Variants in DRC10 observed in about 807,000 individuals in gnomAD.
DRC10 encodes IQ domain-containing protein D.
chr12:113,216,641 G>GT, the DRC10 span, among the ~76,000 whole-genome samples: 20 of 152,132 alleles, frequency 1.3e-4, no homozygotes, highest in Non-Finnish European at 2.6e-4. Context: ...GGAATAGGGG[G>GT]TATGTAGGAA....
the DRC10 span, among the ~76,000 whole-genome samples, chr12:113,213,409 G>A: frequency 2.0e-5 from 3 of 152,154 alleles, no homozygotes; most frequent in Admixed American, 6.6e-5. Context: ...CTCATTTTAA[G>A]GAATACCATT....
the DRC10 span, among the ~76,000 whole-genome samples, chr12:113,209,504 G>A: frequency 6.6e-6 from 1 of 152,276 alleles, no homozygotes. Context: ...TGATCCTCCT[G>A]TCTCAGCCTC....
the DRC10 span, among the ~76,000 whole-genome samples, chr12:113,199,265 G>A: frequency 2.0e-5 from 3 of 152,120 alleles, no homozygotes; most frequent in South Asian, 2.1e-4. Context: ...TTAGCCAGAC[G>A]TGGTGACATG....
chr12:113,208,464 A>C, the DRC10 span: 4 of 667,384 alleles, frequency 6.0e-6, no homozygotes, highest in Non-Finnish European at 8.3e-6. Flanking sequence ...GAGGCATCTC[A>C]GGCACATGTG....
At chr12:113,219,841 C>G in the DRC10 span, among the ~76,000 whole-genome samples, 8 of 151,954 alleles carry the variant, frequency 5.3e-5, no homozygotes, top group Non-Finnish European at 1.5e-5. Flanking sequence ...TGGAGTCTCG[C>G]TCTATCACCC....
the DRC10 span, among the ~76,000 whole-genome samples, chr12:113,205,067 T>C: frequency 1.3e-5 from 2 of 152,164 alleles, no homozygotes; most frequent in East Asian, 3.8e-4. Context: ...TAACACTCCC[T>C]TTGAGAAGTA....
the DRC10 span, among the ~76,000 whole-genome samples, chr12:113,217,003 C>A: frequency 6.6e-6 from 1 of 152,090 alleles, no homozygotes; most frequent in Admixed American, 6.5e-5. Flanking sequence ...GCAGGAGAAT[C>A]GCTTGAACCC....
At chr12:113,195,967 T>C in the DRC10 span, 1 of 1,505,414 alleles carries the variant, frequency 6.6e-7, no homozygotes, top group African/African-American at 1.4e-5. Context: ...CCCCTTACCC[T>C]TCCCAAATGG....
At chr12:113,212,749 G>A in the DRC10 span, among the ~76,000 whole-genome samples, 2 of 152,122 alleles carry the variant, frequency 1.3e-5, no homozygotes, top group Non-Finnish European at 2.9e-5. Flanking sequence ...TGACTCTGAC[G>A]ACAAAAATGA....
the DRC10 span, among the ~76,000 whole-genome samples, chr12:113,198,614 G>A: frequency 6.6e-6 from 1 of 152,128 alleles, no homozygotes; most frequent in Non-Finnish European, 1.5e-5. Flanking sequence ...GTGATTGCCA[G>A]GGACAGGGGG....
At chr12:113,196,628 G>A in the DRC10 span, among the ~76,000 whole-genome samples, 2 of 152,194 alleles carry the variant, frequency 1.3e-5, no homozygotes, top group African/African-American at 4.8e-5. Flanking sequence ...TGGTTGCCCA[G>A]GACAAGGTTC....
the DRC10 span, among the ~76,000 whole-genome samples, chr12:113,219,008 G>C: frequency 1.3e-5 from 2 of 152,082 alleles, no homozygotes; most frequent in Admixed American, 6.6e-5. Context: ...GAGTGGAATT[G>C]CTAGGTTATG....
At chr12:113,195,746 T>C in the DRC10 span, 1 of 1,614,014 alleles carries the variant, frequency 6.2e-7, no homozygotes, top group Non-Finnish European at 8.5e-7. Context: ...TCTCCTGCTC[T>C]GCCTCCATCC....
the DRC10 span, among the ~76,000 whole-genome samples, chr12:113,202,578 G>A: frequency 1.2e-4 from 19 of 152,168 alleles, no homozygotes; most frequent in Non-Finnish European, 2.2e-4. Flanking sequence ...TCTCTGCTGG[G>A]TGTGGCTACA....
chr12:113,195,867 G>A, the DRC10 span: 1 of 1,611,272 alleles, frequency 6.2e-7, no homozygotes, highest in Non-Finnish European at 8.5e-7. Flanking sequence ...CCTGTGAACA[G>A]CGTCCAGATC....
the DRC10 span, among the ~76,000 whole-genome samples, chr12:113,206,755 A>T: frequency 7.3e-6 from 1 of 137,762 alleles, no homozygotes; most frequent in African/African-American, 2.8e-5. Context: ...ACTCCATCTT[A>T]AAAAAAAAAA....
chr12:113,195,580 T>TCTTGCC, the DRC10 span: 1 of 1,590,510 alleles, frequency 6.3e-7, no homozygotes, highest in Non-Finnish European at 8.6e-7. Flanking sequence ...AGAGCTCATT[T>TCTTGCC]CTTGCCCTTG....
the DRC10 span, among the ~76,000 whole-genome samples, chr12:113,217,705 C>T: frequency 6.6e-6 from 1 of 152,014 alleles, no homozygotes; most frequent in African/African-American, 2.4e-5. Context: ...CTAATTTTTA[C>T]GTTTTTAGGA....
the DRC10 span, chr12:113,221,049 C>A: frequency 2.4e-6 from 1 of 410,406 alleles, no homozygotes; most frequent in Non-Finnish European, 5.0e-6. Context: ...GCGGTCCCTG[C>A]GTTGCTAGGT....
Sources: allele counts gnomAD v4.1 joint callset (sites outside exome capture counted in the v4.1 genomes callset), GRCh38; gene constraint gnomAD v4.1.1; transcripts MANE v1.5; gene names NCBI Gene and HGNC (gene_info 2026-07-23, HGNC 2026-07-21).